The following ZNF292 variants were observed in gnomAD, a reference collection of about 807,000 sequenced individuals.
The protein encoded by ZNF292 is zinc finger protein 292.
A neutral mutation model predicts 217.9 loss-of-function variants in ZNF292; 26 were observed. The ratio of observed to expected loss-of-function variants is 0.12; its 90% confidence interval spans 0.09 to 0.17. ZNF292 has a LOEUF of 0.17. Among genes scored for constraint, ZNF292 ranks in the 10% least tolerant of loss-of-function variants. The probability of loss-of-function intolerance (pLI) is 1.00; values close to 1 mark genes in which losing one functional copy is unlikely to be tolerated. For synonymous variants in ZNF292, 1,257 were observed against 1,124.1 expected (o/e 1.12, Z -2.37); for missense variants, 2,904 against 3,175.2 (o/e 0.91, Z 2.05).
At chr6:87,158,499 A>G (rs1770618561) in intron 1 of ZNF292, among the ~76,000 whole-genome samples, 1 of 152,112 alleles carries the variant, frequency 6.6e-6, no homozygotes, top group African/African-American at 2.4e-5. Context: ...TACAAAAAAT[A>G]CAAAAAACAA....
At chr6:87,190,720 C>T (rs909320899) in intron 1 of ZNF292, among the ~76,000 whole-genome samples, 2 of 152,050 alleles carry the variant, frequency 1.3e-5, no homozygotes, top group African/African-American at 2.4e-5. Flanking sequence ...GTGATTTGCC[C>T]ACCTCAGCCT....
chr6:87,213,122 C>T (rs1483422934), intron 1 of ZNF292, among the ~76,000 whole-genome samples: 1 of 152,124 alleles, frequency 6.6e-6, no homozygotes, highest in Non-Finnish European at 1.5e-5. Flanking sequence ...ATTCAATGGA[C>T]TTGAACATAC....
chr6:87,255,078 A>G lies in ZNF292; in HGVS notation c.1449A>G (p.Val483=). 1 of 1,613,700 alleles carries G rather than the reference A, an allele frequency of 6.2e-7. No homozygotes were observed. The highest frequency in any genetic ancestry group is 1.6e-4 in the Middle Eastern group (1 of 6,062). Residue 483 remains valine (V), a synonymous_variant, in exon 8 of 8, where the codon GTA becomes GTG. Coordinates refer to ENST00000369577, the MANE Select transcript of ZNF292 (RefSeq NM_015021.3). ...LNDSEVYEKV[V]DYQEESKETS... is the part of the protein sequence containing the mutation. ...ACAGTGAAGTATATGAAAAAGTGGT[A>G]GACTACCAAGAAGAGAGTAAAGAAA...
rs1770828430 is a variant in ZNF292 at position 87,163,827 on chromosome 6, A to C, written c.168+8068A>C. 2.0e-5 allele frequency among the ~76,000 whole-genome samples: 3 copies of C among 151,974 alleles called. No individual in the cohort carries two copies. The South Asian group carries it at 6.2e-4, about 31-fold the overall frequency. On this transcript the variant is annotated intron_variant, in intron 1 of 7. Transcript: ENST00000369577. ...GCTCAGATAAATGGACCAACTATTC[A>C]AACTGGCATTTTTGGAGAAAAATGC...
At chr6:87,174,883 A>G (rs375592520) in intron 1 of ZNF292, among the ~76,000 whole-genome samples, 7 of 152,310 alleles carry the variant, frequency 4.6e-5, no homozygotes, top group African/African-American at 1.7e-4. Flanking sequence ...TGTTTCTAAA[A>G]ATTTATTGAG....
At chr6:87,222,172 C>T (rs1193552881) in intron 4 of ZNF292, among the ~76,000 whole-genome samples, 6 of 151,946 alleles carry the variant, frequency 3.9e-5, no homozygotes, top group Non-Finnish European at 7.4e-5. Flanking sequence ...TTGTCCTTCC[C>T]AATTTCCTCT....
chr6:87,160,248 C>G (rs993899873), intron 1 of ZNF292, among the ~76,000 whole-genome samples: 2 of 152,290 alleles, frequency 1.3e-5, no homozygotes, highest in African/African-American at 4.8e-5. Flanking sequence ...AACATTCCAA[C>G]AGAGGAGTTG....
chr6:87,169,256 G>A (rs1363512749), intron 1 of ZNF292, among the ~76,000 whole-genome samples: 1 of 152,000 alleles, frequency 6.6e-6, no homozygotes, highest in African/African-American at 2.4e-5. Context: ...GGCCAGGCTA[G>A]TCTCGAACTC....
At chr6:87,215,688 T>C (rs1562146308) in intron 1 of ZNF292, among the ~76,000 whole-genome samples, 1 of 152,160 alleles carries the variant, frequency 6.6e-6, no homozygotes, top group Non-Finnish European at 1.5e-5. Context: ...ATGCTGTTGC[T>C]GGATGAATTA....
At chr6:87,252,245 G>A (rs976065429) in intron 7 of ZNF292, among the ~76,000 whole-genome samples, 1 of 151,540 alleles carries the variant, frequency 6.6e-6, no homozygotes, top group African/African-American at 2.4e-5. Context: ...TCTGCCTCCC[G>A]TGTTCAAGTG....
intron 4 of ZNF292, among the ~76,000 whole-genome samples, chr6:87,221,743 A>T (rs1034850956): frequency 6.6e-6 from 1 of 152,192 alleles, no homozygotes; most frequent in African/African-American, 2.4e-5. Context: ...TTATAAATCT[A>T]CAATCGTGAT....
chr6:87,200,110 A>T (rs1270547452), intron 1 of ZNF292, among the ~76,000 whole-genome samples: 2 of 152,154 alleles, frequency 1.3e-5, no homozygotes, highest in Non-Finnish European at 1.5e-5. Flanking sequence ...TGAAGTTACT[A>T]GGGGTTATAT....
At chr6:87,167,247 C>T (rs556117055) in intron 1 of ZNF292, among the ~76,000 whole-genome samples, 8 of 152,336 alleles carry the variant, frequency 5.3e-5, no homozygotes, top group African/African-American at 1.9e-4. Context: ...GCTGTCACTT[C>T]AGCGAAAAAC....
rs1434394618 is a variant in ZNF292 at position 87,175,177 on chromosome 6, ACTT to A, written c.168+19424_168+19426del. Among the ~76,000 whole-genome samples, 15 of 151,966 alleles carry A rather than the reference ACTT, an allele frequency of 9.9e-5. 1 individual carries two copies. Among genetic ancestry groups the A allele is most frequent in the Admixed American group, 5.9e-4 (9 of 15,268 alleles). The stretch of plus-strand genomic sequence containing the variant: ...TCTTCAGATTTTGCCCCTTCCTCTG[ACTT>A]CTTCTCTCCTTATGTGAAACTTCTC... On this transcript the variant is annotated intron_variant, in intron 1 of 7. Coordinates refer to ENST00000369577, the MANE Select transcript of ZNF292 (RefSeq NM_015021.3).
chr6:87,198,395 AGGGTTT>A (rs1433048130), intron 1 of ZNF292, among the ~76,000 whole-genome samples: 1 of 151,988 alleles, frequency 6.6e-6, no homozygotes, highest in Non-Finnish European at 1.5e-5. Context: ...TAGTAGAGAC[AGGGTTT>A]CACTGTGTTA....
intron 1 of ZNF292, among the ~76,000 whole-genome samples, chr6:87,160,688 A>G (rs199839071): frequency 1.3e-4 from 3 of 23,748 alleles, no homozygotes; most frequent in South Asian, 1.3e-3. Context: ...GTGTGTGTAT[A>G]TATATATATA....
At chr6:87,171,811 G>A (rs1474478042) in intron 1 of ZNF292, among the ~76,000 whole-genome samples, 1 of 152,078 alleles carries the variant, frequency 6.6e-6, no homozygotes, top group African/African-American at 2.4e-5. Context: ...CCCTTTCATT[G>A]TCTGGCACAT....
intron 7 of ZNF292, among the ~76,000 whole-genome samples, chr6:87,249,941 C>A (rs1183999678): frequency 6.6e-6 from 1 of 150,854 alleles, no homozygotes; most frequent in East Asian, 1.9e-4. Context: ...AACTCCTGAC[C>A]TCAGATGATC....
At chr6:87,234,346 C>T (rs1191685167) in intron 5 of ZNF292, among the ~76,000 whole-genome samples, 1 of 152,090 alleles carries the variant, frequency 6.6e-6, no homozygotes. Flanking sequence ...ATCACGAGGT[C>T]AGGAGTTTGA....
Sources: gnomAD v4.1 joint callset for allele counts (sites outside exome capture counted in the v4.1 genomes callset) on GRCh38, gnomAD v4.1.1 for gene constraint, MANE v1.5 for transcripts, NCBI Gene and HGNC (gene_info 2026-07-23, HGNC 2026-07-21) for gene names.